The following XYLT1 variants were observed in gnomAD, a reference collection of about 807,000 sequenced individuals.
XYLT1 encodes beta-D-xylosyltransferase 1.
XYLT1 carries 36 observed loss-of-function variants against 91.3 expected under a neutral mutation model. The observed-to-expected ratio is 0.39, with a 90% confidence interval of 0.30 to 0.52. The LOEUF (loss-of-function observed/expected upper bound fraction) is 0.52, where lower values mean the gene tolerates loss of function less well. Among genes scored for constraint, XYLT1 ranks in the 20% least tolerant of loss-of-function variants. XYLT1 has a pLI of 0.68. For synonymous variants in XYLT1, 588 were observed against 532.0 expected (o/e 1.11, Z -1.45); for missense variants, 1,242 against 1,284.5 (o/e 0.97, Z 0.51).
chr16:17,128,137 A>G (rs2030328884), intron 9 of XYLT1, among the ~76,000 whole-genome samples: 1 of 152,230 alleles, frequency 6.6e-6, no homozygotes, highest in Non-Finnish European at 1.5e-5. Flanking sequence ...GTCCATTCAC[A>G]GATATTGAGT....
intron 2 of XYLT1, among the ~76,000 whole-genome samples, chr16:17,277,144 C>T (rs560611849): frequency 9.8e-5 from 15 of 152,330 alleles, no homozygotes; most frequent in Non-Finnish European, 2.1e-4. Context: ...CTACCAACAA[C>T]TCAATAAACA....
chr16:17,294,951 A>G (rs1248619552), intron 2 of XYLT1, among the ~76,000 whole-genome samples: 2 of 152,206 alleles, frequency 1.3e-5, no homozygotes, highest in African/African-American at 4.8e-5. Flanking sequence ...GCCTTCACAG[A>G]ACTTTATTCT....
rs12446185 is a variant in XYLT1, at chr16:17,454,526, T to C, written c.363+15908A>G. Among the ~76,000 whole-genome samples, 877 of 150,364 alleles carry C rather than the reference T, an allele frequency of 5.8e-3. 4 individuals are homozygous for C. The highest frequency in any genetic ancestry group is 0.027 in the Middle Eastern group (8 of 294). On this transcript the variant is annotated intron_variant, in intron 1 of 11. Coordinates refer to ENST00000261381, the MANE Select transcript of XYLT1 (RefSeq NM_022166.4). ...ATGGCTGTGTTCCAATAAAGCTTTA[T>C]TTATGATCGCAATTTTTTTTTTTTT...
At chr16:17,406,828 T>C (rs2036039534) in intron 1 of XYLT1, among the ~76,000 whole-genome samples, 1 of 152,080 alleles carries the variant, frequency 6.6e-6, no homozygotes, top group Non-Finnish European at 1.5e-5. Flanking sequence ...TCACTCAATG[T>C]TCCTTCAACA....
At chr16:17,411,569 A>G (rs1367690434) in intron 1 of XYLT1, among the ~76,000 whole-genome samples, 2 of 152,200 alleles carry the variant, frequency 1.3e-5, no homozygotes, top group Non-Finnish European at 2.9e-5. Flanking sequence ...ATGGGGCCTC[A>G]TAACAATGAA....
intron 5 of XYLT1, among the ~76,000 whole-genome samples, chr16:17,162,021 C>T (rs2031567657): frequency 6.6e-6 from 1 of 152,092 alleles, no homozygotes; most frequent in African/African-American, 2.4e-5. Context: ...CTCCCAAGTC[C>T]CAGCCATTTA....
At chr16:17,142,794 T>A (rs571051904) in intron 6 of XYLT1, among the ~76,000 whole-genome samples, 2 of 152,164 alleles carry the variant, frequency 1.3e-5, no homozygotes, top group African/African-American at 4.8e-5. Flanking sequence ...TTTAGAGGTA[T>A]CTGCACCAAC....
intron 1 of XYLT1, among the ~76,000 whole-genome samples, chr16:17,453,582 G>C (rs1426158024): frequency 6.6e-6 from 1 of 152,198 alleles, no homozygotes; most frequent in South Asian, 2.1e-4. Context: ...CACCTCCGGG[G>C]AAGTCTCCGT....
chr16:17,158,981 T>G, intron 5 of XYLT1, 72 bp from the exon 6 acceptor site: 3 of 1,360,296 alleles, frequency 2.2e-6, no homozygotes, highest in Non-Finnish European at 3.2e-6. Flanking sequence ...AAAGCAAGTT[T>G]CACCAATTAT....
At position 17,264,628 on chromosome 16, in the gene XYLT1, G is replaced by A. The variant is rs2141765013; in HGVS notation, c.403-5130C>T. Among the ~76,000 whole-genome samples, 3 of 152,282 alleles carry A rather than the reference G, an allele frequency of 2.0e-5. No individual in the cohort carries two copies. The Middle Eastern group carries it at 0.01, about 518-fold the overall frequency. Reference sequence around the variant, plus strand: ...TCCCTTCACAAAACCAATCTTGGGAGGTCTCCAGGCAGACCCATAAAAAAT... The same window carrying A: ...TCCCTTCACAAAACCAATCTTGGGAAGTCTCCAGGCAGACCCATAAAAAAT... On this transcript the variant is annotated intron_variant, in intron 2 of 11. Transcript: ENST00000261381.
At position 17,138,541 on chromosome 16, in the gene XYLT1, A is replaced by G. The variant is rs2030852352; in HGVS notation, c.1588-10T>C. ...CCGTATGGAAGAAGGACTGCAGGGG[A>G]GAGAGGGACCCAGCCTGAGACCTCT... On this transcript the variant is annotated splice_polypyrimidine_tract_variant and intron_variant, in intron 7 of 11. Transcript: ENST00000261381. The G allele has an allele frequency of 1.9e-6, 3 of 1,611,530 alleles. No homozygotes were observed. Among genetic ancestry groups the G allele is most frequent in the African/African-American group, 1.3e-5 (1 of 74,940 alleles).
intron 3 of XYLT1, among the ~76,000 whole-genome samples, chr16:17,209,348 A>G (rs943229699): frequency 1.1e-4 from 16 of 152,176 alleles, no homozygotes; most frequent in African/African-American, 3.4e-4. Context: ...TTCCTTTTTC[A>G]GGGCAAGTAA....
chr16:17,339,771 A>G (rs906843033), intron 2 of XYLT1, among the ~76,000 whole-genome samples: 4 of 152,158 alleles, frequency 2.6e-5, no homozygotes, highest in Non-Finnish European at 5.9e-5. Flanking sequence ...TTAGTATACA[A>G]TAGGAATTTT....
At position 17,442,188 on chromosome 16, in the gene XYLT1, C is replaced by T. The variant is rs967078283; in HGVS notation, c.363+28246G>A. ...CTGGCCCTCCTGGGACCCAGCTTGCCACCGCAGGCCTTGGGACTTCTCAGC... is the reference window on the plus strand; with the variant it reads ...CTGGCCCTCCTGGGACCCAGCTTGCTACCGCAGGCCTTGGGACTTCTCAGC... On this transcript the variant is annotated intron_variant, in intron 1 of 11. Transcript: ENST00000261381. Among the ~76,000 whole-genome samples the T allele has an allele frequency of 3.7e-4, 56 of 152,268 alleles. 1 individual carries two copies. The highest frequency in any genetic ancestry group is 1.3e-3 in the African/African-American group (54 of 41,554).
intron 1 of XYLT1, among the ~76,000 whole-genome samples, chr16:17,372,027 C>T (rs1235262220): frequency 5.9e-5 from 9 of 152,160 alleles, no homozygotes; most frequent in Admixed American, 5.9e-4. Flanking sequence ...TTGCCCCATT[C>T]TTGGTACTAA....
At chr16:17,246,148 G>A (rs2033432524) in intron 3 of XYLT1, among the ~76,000 whole-genome samples, 1 of 152,222 alleles carries the variant, frequency 6.6e-6, no homozygotes, top group Non-Finnish European at 1.5e-5. Flanking sequence ...TCTGCTACTG[G>A]TGAAATGTGT....
In XYLT1 at chr16:17,427,132, G is replaced by T. The variant is rs570444912; in HGVS notation, c.363+43302C>A. On this transcript the variant is annotated intron_variant, in intron 1 of 11. Coordinates refer to ENST00000261381, the MANE Select transcript of XYLT1 (RefSeq NM_022166.4). ...TAACACTCATGAATAATTCTGAAAG[G>T]CAGCGAAGGTATCTGGGATTTGGGC... 1.1e-4 allele frequency among the ~76,000 whole-genome samples: 16 copies of T among 152,334 alleles called. No individual in the cohort carries two copies. The East Asian group carries it at 3.1e-3, about 29-fold the overall frequency.
At chr16:17,185,021 C>T (rs1278208465) in intron 5 of XYLT1, among the ~76,000 whole-genome samples, 1 of 152,156 alleles carries the variant, frequency 6.6e-6, no homozygotes, top group Non-Finnish European at 1.5e-5. Flanking sequence ...GCCCATAGAC[C>T]ACTCTTGGCT....
At chr16:17,214,826 C>T (rs1287727122) in intron 3 of XYLT1, among the ~76,000 whole-genome samples, 1 of 152,176 alleles carries the variant, frequency 6.6e-6, no homozygotes, top group East Asian at 1.9e-4. Flanking sequence ...TTTCTCTTCT[C>T]CTCTTTCCAA....
Sources: allele counts gnomAD v4.1 joint callset (sites outside exome capture counted in the v4.1 genomes callset), GRCh38; gene constraint gnomAD v4.1.1; transcripts MANE v1.5; gene names NCBI Gene and HGNC (gene_info 2026-07-23, HGNC 2026-07-21).